TICAM2: variants seen among roughly 807,000 people sequenced by gnomAD.
The protein encoded by TICAM2 is TIR domain containing adaptor molecule 2.
In TICAM2, 8 loss-of-function variants were observed where a neutral mutation model predicts 7.3. That is an observed-to-expected ratio of 1.10 (90% CI 0.65 to 1.99). TICAM2 has a LOEUF of 1.99. Among genes scored for constraint, TICAM2 ranks in the 30% most tolerant of loss-of-function variants. The pLI, the probability that TICAM2 is intolerant of heterozygous loss-of-function variation, is 0.00. For missense variants in TICAM2, 304 were observed against 278.8 expected (o/e 1.09, Z -0.65); for synonymous variants, 113 against 99.6 (o/e 1.13, Z -0.80).
chr5:115,599,556 G>A (rs1755640772), intron 1 of TICAM2, among the ~76,000 whole-genome samples: 1 of 152,200 alleles, frequency 6.6e-6, no homozygotes, highest in Non-Finnish European at 1.5e-5. Flanking sequence ...TAAGCTTCAT[G>A]GAATACTAGA....
intron 1 of TICAM2, among the ~76,000 whole-genome samples, chr5:115,592,334 C>G (rs1237725559): frequency 6.6e-6 from 1 of 152,132 alleles, no homozygotes; most frequent in Non-Finnish European, 1.5e-5. Flanking sequence ...GAAGAAATAA[C>G]CTGAATTCAA....
intron 1 of TICAM2, among the ~76,000 whole-genome samples, chr5:115,587,225 T>G (rs2546470): frequency 6.6e-6 from 1 of 152,202 alleles, no homozygotes; most frequent in Non-Finnish European, 1.5e-5. Context: ...GGCAGACAGA[T>G]AGCCCCTGGT....
In TICAM2 at chr5:115,578,603, T is replaced by C. The variant is rs534158008; in HGVS notation, c.*1946A>G. 2.0e-5 allele frequency: 3 copies of C among 152,176 alleles called. No individual in the cohort carries two copies. Among genetic ancestry groups the C allele is most frequent in the Non-Finnish European group, 4.4e-5 (3 of 68,026 alleles). The allele number at this position is 152,176 out of a possible 1,614,324, so 9.4% of individuals were successfully genotyped here. On this transcript the variant is annotated 3_prime_UTR_variant, in exon 2 of 2. Transcript: ENST00000427199. ...TCGATGCTTCATTTCAAAACACTCT[T>C]CCACAATCTTCATTGGAGTTGAAAA...
Position 115,578,608 on chromosome 5 carries a change from A to G in TICAM2, c.*1941T>C, listed in dbSNP as rs1406432894. 1.3e-5 allele frequency: 2 copies of G among 152,198 alleles called. No homozygotes were observed. The highest frequency in any genetic ancestry group is 2.4e-5 in the African/African-American group (1 of 41,448). 9.4% of individuals were successfully genotyped at this position (152,198 alleles called of 1,614,324 possible). The stretch of plus-strand genomic sequence containing the variant: ...GCTTCATTTCAAAACACTCTTCCAC[A>G]ATCTTCATTGGAGTTGAAAATAAAC... On this transcript the variant is annotated 3_prime_UTR_variant, in exon 2 of 2. Transcript: ENST00000427199.
rs547945180 is a variant in TICAM2, at chr5:115,592,218, G to A, written c.-60+9879C>T. On this transcript the variant is annotated intron_variant, in intron 1 of 1. Transcript: ENST00000427199. ...GATCTCAGTGATGATCTTGCAGACC[G>A]TAAAATGTAATAAAAAGATTATGAC... Among the ~76,000 whole-genome samples the A allele has an allele frequency of 6.6e-5, 10 of 152,268 alleles. No homozygotes were observed. In the East Asian group the frequency reaches 1.2e-3, roughly 18 times the overall value.
chr5:115,586,467 A>G (rs1755110552), intron 1 of TICAM2, among the ~76,000 whole-genome samples: 1 of 152,020 alleles, frequency 6.6e-6, no homozygotes. Flanking sequence ...AGGAGGCAGA[A>G]AAGGACTAGT....
At chr5:115,590,951 G>C (rs965076189) in intron 1 of TICAM2, among the ~76,000 whole-genome samples, 2 of 151,868 alleles carry the variant, frequency 1.3e-5, no homozygotes, top group African/African-American at 2.4e-5. Context: ...GCTCTTTCTT[G>C]GCCTGTTTCT....
chr5:115,593,619 T>C (rs983311955), intron 1 of TICAM2, among the ~76,000 whole-genome samples: 6 of 152,206 alleles, frequency 3.9e-5, no homozygotes, highest in African/African-American at 1.4e-4. Flanking sequence ...ATAGATTCAA[T>C]GCAATAACAA....
intron 1 of TICAM2, among the ~76,000 whole-genome samples, chr5:115,586,560 C>T (rs1484636913): frequency 1.3e-5 from 2 of 152,098 alleles, no homozygotes; most frequent in East Asian, 3.8e-4. Context: ...AAGAGAAAGA[C>T]AGTGCTTAAC....
Position 115,580,718 on chromosome 5 carries a change from AGG to A in TICAM2, c.537_538del (p.Leu180SerfsTer36), listed in dbSNP as rs768479928. 6.3e-7 allele frequency: 1 copy of A among 1,599,600 alleles called. No homozygotes were observed. Among genetic ancestry groups the A allele is most frequent in the South Asian group, 1.1e-5 (1 of 88,888 alleles). ...GGCAAAGGGAGTCCTTTCTCGGGGA[AGG>A]GGATTGTTCAGGGGCCGCATGGGTA... On this transcript the variant is annotated frameshift_variant, in exon 2 of 2. Coordinates refer to ENST00000427199, the MANE Select transcript of TICAM2 (RefSeq NM_021649.7). LOFTEE classifies it low-confidence loss of function (END_TRUNC).
chr5:115,599,269 G>T (rs940002867), intron 1 of TICAM2, among the ~76,000 whole-genome samples: 1 of 151,724 alleles, frequency 6.6e-6, no homozygotes, highest in Admixed American at 6.6e-5. Flanking sequence ...ATTTCCTATT[G>T]CCCCTATTGG....
intron 1 of TICAM2, among the ~76,000 whole-genome samples, chr5:115,583,614 G>C (rs1401065435): frequency 6.6e-6 from 1 of 152,112 alleles, no homozygotes; most frequent in Non-Finnish European, 1.5e-5. Flanking sequence ...ACTGCCAAGG[G>C]AACAAGCTGT....
Position 115,580,948 on chromosome 5 carries a change from G to A in TICAM2, c.309C>T (p.Asp103=). ...AGATTATTCCGGGTTTGATACCAAA[G>A]TCATCTTGTAGCAGATTCTGGACTC... ...ALRVQNLLQD[D]FGIKPGIIFA... Residue 103 remains aspartate (D), a synonymous_variant, in exon 2 of 2, where the codon GAC becomes GAT. Coordinates refer to ENST00000427199, the MANE Select transcript of TICAM2 (RefSeq NM_021649.7). 3.1e-6 allele frequency: 5 copies of A among 1,613,530 alleles called. No homozygotes were observed. The highest frequency in any genetic ancestry group is 4.2e-6 in the Non-Finnish European group (5 of 1,179,610).
rs1754802818 is a variant in TICAM2 at position 115,578,514 on chromosome 5, A to AT, written c.*2034dup. On this transcript the variant is annotated 3_prime_UTR_variant, in exon 2 of 2. Coordinates refer to ENST00000427199, the MANE Select transcript of TICAM2 (RefSeq NM_021649.7). ...CGCCCGGCCAACATTTTTCTTTATC[A>AT]TAAAAAAAATATGGAACTCCAAATT... 6.6e-6 allele frequency: 1 copy of AT among 152,092 alleles called. No homozygotes were observed. The highest frequency in any genetic ancestry group is 2.4e-5 in the African/African-American group (1 of 41,408). The allele number at this position is 152,092 out of a possible 1,614,324, so 9.4% of individuals were successfully genotyped here. A position where few individuals can be genotyped will look rare whatever the true frequency, so the allele number is the denominator to read the frequency against.
chr5:115,584,971 A>G (rs1275750583), intron 1 of TICAM2, among the ~76,000 whole-genome samples: 2 of 152,254 alleles, frequency 1.3e-5, no homozygotes, highest in African/African-American at 2.4e-5. Flanking sequence ...GAAATATAAA[A>G]GAATATAAAG....
intron 1 of TICAM2, among the ~76,000 whole-genome samples, chr5:115,586,636 T>C: frequency 6.6e-6 from 1 of 152,218 alleles, no homozygotes; most frequent in East Asian, 1.9e-4. Context: ...ATTAAAATTT[T>C]AACATATTTA....
intron 1 of TICAM2, among the ~76,000 whole-genome samples, chr5:115,594,159 C>T (rs1317303480): frequency 6.6e-6 from 1 of 152,136 alleles, no homozygotes; most frequent in East Asian, 1.9e-4. Context: ...ACTAAAATGA[C>T]CTTTGTAACA....
At chr5:115,581,730 T>C (rs1013661866) in intron 1 of TICAM2, 1 of 166,138 alleles carries the variant, frequency 6.0e-6, no homozygotes, top group African/African-American at 2.4e-5. Flanking sequence ...AAACTGAATA[T>C]TCAATTAAGC....
Position 115,580,681 on chromosome 5 carries a change from G to C in TICAM2, c.576C>G (p.Ile192Met). ...RERTPFALQT[I>M]NALEEESRGF... ...CACGACTTTCTTCCTCTAAGGCATTGATGGTTTGGAGGGCAAAGGGAGTCC... is the reference window on the plus strand; with the variant it reads ...CACGACTTTCTTCCTCTAAGGCATTCATGGTTTGGAGGGCAAAGGGAGTCC... The change falls in exon 2 of 2, where the codon ATC becomes ATG. Residue 192 changes from isoleucine to methionine, a missense_variant. Transcript: ENST00000427199. 1 of 1,591,620 alleles carries C rather than the reference G, an allele frequency of 6.3e-7. No individual in the cohort carries two copies. The highest frequency in any genetic ancestry group is 8.5e-7 in the Non-Finnish European group (1 of 1,171,940).
Sources: allele counts gnomAD v4.1 joint callset (sites outside exome capture counted in the v4.1 genomes callset), GRCh38; gene constraint gnomAD v4.1.1; transcripts MANE v1.5; gene names NCBI Gene and HGNC (gene_info 2026-07-23, HGNC 2026-07-21).